KIF18A: variants seen among roughly 807,000 people sequenced by gnomAD.
KIF18A encodes the protein kinesin family member 18A.
In KIF18A, 67 loss-of-function variants were observed where a neutral mutation model predicts 103.3. The ratio of observed to expected loss-of-function variants is 0.65; its 90% CI spans 0.53 to 0.79. KIF18A has a LOEUF of 0.79. KIF18A is among the 30% of genes least tolerant of loss of function. The pLI, the probability that KIF18A is intolerant of heterozygous loss-of-function variation, is 0.00. For missense variants in KIF18A, 1,032 were observed against 1,062.5 expected, an observed-to-expected ratio of 0.97 and a Z score of 0.40; for synonymous variants, 367 against 355.5, an observed-to-expected ratio of 1.03 and a Z score of -0.36.
At chr11:28,043,561 C>G (rs1428158967) in intron 13 of KIF18A, among the ~76,000 whole-genome samples, 1 of 151,818 alleles carries the variant, frequency 6.6e-6, no homozygotes, top group African/African-American at 2.4e-5. Flanking sequence ...GACTAAATAA[C>G]TAAATGAACA....
chr11:28,107,845 C>G (rs761833459), intron 1 of KIF18A, among the ~76,000 whole-genome samples: 10 of 152,180 alleles, frequency 6.6e-5, no homozygotes, highest in Non-Finnish European at 1.2e-4. Context: ...GCCCTTCCAG[C>G]TGAGCAGTCG....
At chr11:28,088,476 C>T in intron 6 of KIF18A, 48 bp downstream of exon 6, 1 of 1,432,062 alleles carries the variant, frequency 7.0e-7, no homozygotes, top group Non-Finnish European at 9.7e-7. Context: ...TCTTTCTTAT[C>T]TATTTCAATA....
intron 7 of KIF18A, chr11:28,084,280 A>G (rs1480178009): frequency 1.3e-5 from 2 of 152,440 alleles, no homozygotes; most frequent in East Asian, 3.8e-4. Context: ...AAAGCAGAGC[A>G]TCATCCTGGG....
intron 13 of KIF18A, among the ~76,000 whole-genome samples, chr11:28,043,018 G>C (rs1460017649): frequency 1.3e-5 from 2 of 151,780 alleles, no homozygotes; most frequent in African/African-American, 4.8e-5. Context: ...ATCAGTAAAG[G>C]GCCTTAAATT....
rs189819940 is a variant in KIF18A, at chr11:28,088,090, A to C, written c.897+434T>G. 3.8e-3 allele frequency among the ~76,000 whole-genome samples: 583 copies of C among 152,210 alleles called. 6 individuals carry two copies. The highest frequency in any genetic ancestry group is 0.013 in the African/African-American group (548 of 41,542). ...TTTATAACTTAAACCCCCCTTAAAA[A>C]AAAATCAACACTCTTTAATACTTAA... On this transcript the variant is annotated intron_variant, in intron 6 of 16. Coordinates refer to ENST00000263181, the MANE Select transcript of KIF18A (RefSeq NM_031217.4).
chr11:28,038,441 C>T (rs971356810), intron 13 of KIF18A, among the ~76,000 whole-genome samples: 3 of 151,532 alleles, frequency 2.0e-5, no homozygotes, highest in South Asian at 2.1e-4. Context: ...TTGGAGTGTA[C>T]GGTCAATGGA....
In KIF18A at chr11:28,059,037, CT is replaced by C. The variant is rs1342389821; in HGVS notation, c.1836del (p.Val613TrpfsTer2). The C allele has an allele frequency of 1.2e-6, 2 of 1,613,942 alleles. No homozygotes were observed. Among genetic ancestry groups the C allele is most frequent in the Non-Finnish European group, 1.7e-6 (2 of 1,179,982 alleles). ...GCAGTTTGGTCAGCCCAAACTACCA[CT>C]TTTTTCCTCTCTACCAAATGTTCGA... The part of the protein sequence containing the change: ...KEIEHLVERK[K>X]VVVWADQTAE... On this transcript the variant is annotated frameshift_variant, in exon 13 of 17. Coordinates refer to ENST00000263181, the MANE Select transcript of KIF18A (RefSeq NM_031217.4). LOFTEE classifies it high-confidence loss of function.
chr11:28,065,417 A>C (rs750794891), intron 11 of KIF18A, among the ~76,000 whole-genome samples: 7 of 152,068 alleles, frequency 4.6e-5, no homozygotes, highest in Non-Finnish European at 8.8e-5. Context: ...GTTATTTGTG[A>C]TAAAATGCAT....
At chr11:28,100,915 C>T (rs1241027056) in intron 1 of KIF18A, among the ~76,000 whole-genome samples, 2 of 152,078 alleles carry the variant, frequency 1.3e-5, no homozygotes, top group South Asian at 2.1e-4. Context: ...AGTTACTTAA[C>T]CCCATGAGTC....
In KIF18A at chr11:28,099,969, G is replaced by A. The variant is rs1415167423; in HGVS notation, c.-46-1976C>T. Among the ~76,000 whole-genome samples, 3 of 152,104 alleles carry A rather than the reference G, an allele frequency of 2.0e-5. No individual in the cohort carries two copies. The South Asian group carries it at 6.2e-4, about 32-fold the overall frequency. ...AGACAACTCTGTCAGCTCAGAATAG[G>A]GTAGTGGCAGCAGAGGTGGTAAGTG... On this transcript the variant is annotated intron_variant, in intron 1 of 16. Transcript: ENST00000263181.
chr11:28,104,850 T>C (rs762887894), intron 1 of KIF18A, among the ~76,000 whole-genome samples: 15 of 152,158 alleles, frequency 9.9e-5, no homozygotes, highest in Non-Finnish European at 1.9e-4. Context: ...TTTTAAAAGA[T>C]ATATATGTAT....
chr11:28,081,445 T>G (rs1851163813), intron 9 of KIF18A, among the ~76,000 whole-genome samples: 1 of 152,088 alleles, frequency 6.6e-6, no homozygotes, highest in Non-Finnish European at 1.5e-5. Context: ...CTAGGGCCCT[T>G]ATGAAATATG....
chr11:28,023,877 T>TTAA, intron 15 of KIF18A, 27 bp from the exon 16 acceptor site: 1 of 1,354,514 alleles, frequency 7.4e-7, no homozygotes, highest in Non-Finnish European at 1.0e-6. Context: ...TTTAATTTAG[T>TTAA]TAAGCATTTT....
At chr11:28,044,121 T>C (rs941369019) in intron 13 of KIF18A, among the ~76,000 whole-genome samples, 3 of 152,000 alleles carry the variant, frequency 2.0e-5, no homozygotes, top group African/African-American at 7.2e-5. Context: ...ATCACCTACA[T>C]TGCTAGGTAA....
chr11:28,036,418 A>T lies in KIF18A; in HGVS notation c.2195T>A (p.Phe732Tyr). The T allele has an allele frequency of 6.2e-7, 1 of 1,611,172 alleles. No homozygotes were observed. Among genetic ancestry groups the T allele is most frequent in the South Asian group, 1.1e-5 (1 of 91,004 alleles). The stretch of plus-strand genomic sequence containing the variant: ...GTTTATGTTTGAGCTGATAGCCTGA[A>T]AACTTGTAGTAAATGATGATGGTTT... ...LMKPSSFTTS[F>Y]QAISSNINSD... The change falls in exon 14 of 17, where the codon TTT (phenylalanine) becomes TAT (tyrosine). Residue 732 changes from phenylalanine (F) to tyrosine (Y), a missense_variant. By Grantham distance (22) the Phe-to-Tyr change is conservative. Transcript: ENST00000263181.
At chr11:28,086,726 T>A (rs1851233786) in intron 6 of KIF18A, among the ~76,000 whole-genome samples, 1 of 152,232 alleles carries the variant, frequency 6.6e-6, no homozygotes, top group Admixed American at 6.5e-5. Flanking sequence ...AAATATGCAC[T>A]GCTGGTGCTA....
chr11:28,068,374 A>G (rs1022171384), intron 11 of KIF18A, among the ~76,000 whole-genome samples: 6 of 151,574 alleles, frequency 4.0e-5, no homozygotes, highest in Non-Finnish European at 8.8e-5. Flanking sequence ...CCACCACAGC[A>G]CATCTATACC....
At chr11:28,028,683 C>A (rs917817717) in intron 15 of KIF18A, among the ~76,000 whole-genome samples, 3 of 151,900 alleles carry the variant, frequency 2.0e-5, no homozygotes, top group African/African-American at 7.3e-5. Context: ...AAGATCAGAG[C>A]AGAACTGAAG....
chr11:28,027,196 C>A (rs867536903), intron 15 of KIF18A, among the ~76,000 whole-genome samples: 2 of 151,684 alleles, frequency 1.3e-5, no homozygotes, highest in Non-Finnish European at 3.0e-5. Context: ...CTTTTCTCCC[C>A]ATAATCACAT....
Sources: gnomAD v4.1 joint callset for allele counts (sites outside exome capture counted in the v4.1 genomes callset) on GRCh38, gnomAD v4.1.1 for gene constraint, MANE v1.5 for transcripts, NCBI Gene and HGNC (gene_info 2026-07-23, HGNC 2026-07-21) for gene names.